HACE1: variants seen among roughly 807,000 people sequenced by gnomAD.
The protein encoded by HACE1 is E3 ubiquitin-protein ligase HACE1.
HACE1 carries 73 observed loss-of-function variants against 118.4 expected under a neutral mutation model. The ratio of observed to expected loss-of-function variants is 0.62; its 90% CI spans 0.51 to 0.75. HACE1 has a LOEUF of 0.75. Ranked by LOEUF, HACE1 falls within the 30% of genes least tolerant of loss-of-function variation. HACE1 has a pLI of 0.00. For missense variants in HACE1, 749 were observed against 1,102.2 expected (o/e 0.68, Z 4.54); for synonymous variants, 368 against 374.8 (o/e 0.98, Z 0.21).
chr6:104,784,550 G>T, intron 12 of HACE1, 65 bp from the exon 13 acceptor site: 4 of 1,071,732 alleles, frequency 3.7e-6, no homozygotes, highest in Non-Finnish European at 4.4e-6. Context: ...TAGCGAACTT[G>T]ATAAATATAT....
chr6:104,831,980 G>GAAGAGAAGAGAAGAAGGA (rs71003447), intron 6 of HACE1, among the ~76,000 whole-genome samples: 1 of 62,862 alleles, frequency 1.6e-5, no homozygotes, highest in Non-Finnish European at 3.0e-5. Context: ...GAAGAGAAGA[G>GAAGAGAAGAGAAGAAGGA]AGGAAGGAAG....
intron 1 of HACE1, among the ~76,000 whole-genome samples, chr6:104,855,392 G>A (rs958250782): frequency 5.3e-5 from 8 of 151,866 alleles, no homozygotes; most frequent in Non-Finnish European, 8.8e-5. Context: ...GCAATGAGCC[G>A]AGATCATGCC....
At chr6:104,826,167 T>A (rs1407114763) in intron 6 of HACE1, among the ~76,000 whole-genome samples, 2 of 152,084 alleles carry the variant, frequency 1.3e-5, no homozygotes, top group East Asian at 3.9e-4. Context: ...CCCAAAACCA[T>A]CCCCTCGATT....
chr6:104,848,872 G>T (rs952494783), intron 4 of HACE1, among the ~76,000 whole-genome samples: 1 of 152,036 alleles, frequency 6.6e-6, no homozygotes, highest in African/African-American at 2.4e-5. Context: ...ATATTTTCAA[G>T]AAGAAAATTA....
At chr6:104,734,901 T>C (rs895009230) in intron 22 of HACE1, among the ~76,000 whole-genome samples, 12 of 152,172 alleles carry the variant, frequency 7.9e-5, no homozygotes, top group Admixed American at 5.2e-4. Context: ...GGGGAAAATA[T>C]AGTAATTCAC....
chr6:104,805,108 T>A (rs1027855722), intron 7 of HACE1, among the ~76,000 whole-genome samples: 1 of 152,208 alleles, frequency 6.6e-6, no homozygotes, highest in Admixed American at 6.5e-5. Context: ...GAAAAAATGC[T>A]CATCGTCACT....
intron 5 of HACE1, among the ~76,000 whole-genome samples, chr6:104,838,751 T>C (rs894547739): frequency 6.6e-6 from 1 of 151,572 alleles, no homozygotes; most frequent in Non-Finnish European, 1.5e-5. Flanking sequence ...CACTTCAAGT[T>C]AAAACACTTT....
intron 11 of HACE1, chr6:104,787,265 G>A (rs990130681): frequency 1.3e-4 from 20 of 152,070 alleles, no homozygotes; most frequent in African/African-American, 3.9e-4. Flanking sequence ...ACCCTCCTTC[G>A]AAGTTAAAGT....
In HACE1 at chr6:104,798,301, T is replaced by C. The variant is rs370756545; in HGVS notation, c.618-1276A>G. 8.5e-5 allele frequency among the ~76,000 whole-genome samples: 13 copies of C among 152,216 alleles called. No individual in the cohort carries two copies. In the South Asian group the frequency reaches 1.7e-3, roughly 19 times the overall value. ...TTCACAAAGAAAAACACTACACAGA[T>C]TTCTCAGAAACTTAAAAAACAAAAC... is the stretch of plus-strand genomic sequence containing the variant. On this transcript the variant is annotated intron_variant, in intron 7 of 23. Transcript: ENST00000262903.
intron 14 of HACE1, among the ~76,000 whole-genome samples, chr6:104,778,992 TAGG>T (rs912179029): frequency 1.6e-4 from 25 of 152,126 alleles, no homozygotes; most frequent in African/African-American, 5.8e-4. Context: ...ATTAGGGATT[TAGG>T]AGGAGATACT....
chr6:104,754,986 G>C (rs1236119549), intron 19 of HACE1, among the ~76,000 whole-genome samples: 1 of 152,070 alleles, frequency 6.6e-6, no homozygotes. Context: ...AAAAGACCAA[G>C]AATGGCAAGC....
chr6:104,788,576 T>G (rs1257099787), intron 11 of HACE1, among the ~76,000 whole-genome samples: 2 of 152,138 alleles, frequency 1.3e-5, no homozygotes, highest in African/African-American at 4.8e-5. Context: ...ACCCACAAGA[T>G]AAGATCTTGA....
chr6:104,829,531 T>C (rs1474660877), intron 6 of HACE1, among the ~76,000 whole-genome samples: 1 of 152,146 alleles, frequency 6.6e-6, no homozygotes, highest in Non-Finnish European at 1.5e-5. Flanking sequence ...TAAAGATACA[T>C]ACAATGATTC....
intron 12 of HACE1, 137 bp downstream of exon 12, chr6:104,784,848 T>A (rs1427355684): frequency 1.5e-6 from 1 of 664,008 alleles, no homozygotes; most frequent in African/African-American, 1.8e-5. Context: ...TAGATCTAGA[T>A]TAGTATGAGT....
chr6:104,851,508 G>A lies in HACE1; in HGVS notation c.132-512C>T, dbSNP rs147518037. On this transcript the variant is annotated intron_variant, in intron 2 of 23. Coordinates refer to ENST00000262903, the MANE Select transcript of HACE1 (RefSeq NM_020771.4). ...ACGCCTTGACCAATAAGCTGGTGCT[G>A]AAGGTTTCCTCATCTGCCACTTGGA... is the stretch of plus-strand genomic sequence containing the variant. 2.0e-5 allele frequency among the ~76,000 whole-genome samples: 3 copies of A among 152,302 alleles called. No individual in the cohort carries two copies. The East Asian group carries it at 5.8e-4, about 29-fold the overall frequency.
chr6:104,796,854 GA>G, intron 8 of HACE1, 74 bp downstream of exon 8: 5 of 1,130,806 alleles, frequency 4.4e-6, no homozygotes, highest in Non-Finnish European at 6.7e-6. Context: ...CCCTTTCATT[GA>G]AAAAATAATA....
intron 5 of HACE1, among the ~76,000 whole-genome samples, chr6:104,835,667 AT>A (rs1223073201): frequency 6.6e-6 from 1 of 152,188 alleles, no homozygotes; most frequent in African/African-American, 2.4e-5. Flanking sequence ...GAAAGTAATA[AT>A]TTATGAATAT....
intron 6 of HACE1, among the ~76,000 whole-genome samples, chr6:104,825,279 C>T (rs1224822861): frequency 6.6e-6 from 1 of 151,962 alleles, no homozygotes; most frequent in Non-Finnish European, 1.5e-5. Context: ...ACAAAAGGAC[C>T]AGCGACCTTT....
chr6:104,799,715 T>C (rs1217727990), intron 7 of HACE1, among the ~76,000 whole-genome samples: 4 of 152,212 alleles, frequency 2.6e-5, no homozygotes, highest in Admixed American at 1.3e-4. Flanking sequence ...TTGCCCTTTA[T>C]GTTTTATAAC....
Sources: gnomAD v4.1 joint callset for allele counts (sites outside exome capture counted in the v4.1 genomes callset) on GRCh38, gnomAD v4.1.1 for gene constraint, MANE v1.5 for transcripts, NCBI Gene and HGNC (gene_info 2026-07-23, HGNC 2026-07-21) for gene names.